Variants in CHRM3 observed in about 807,000 individuals in gnomAD.
The protein encoded by CHRM3 is muscarinic acetylcholine receptor M3.
In CHRM3, 11 loss-of-function variants were observed where a neutral mutation model predicts 41.8. The observed-to-expected ratio is 0.26, with a 90% CI of 0.17 to 0.44. CHRM3 has a LOEUF of 0.44. Ranked by LOEUF, CHRM3 falls within the 20% of genes least tolerant of loss-of-function variation. The pLI is 1.00. For missense variants in CHRM3, 571 were observed against 745.4 expected, an observed-to-expected ratio of 0.77 and a Z score of 2.72; for synonymous variants, 297 against 301.4, an observed-to-expected ratio of 0.99 and a Z score of 0.15.
intron 4 of CHRM3, among the ~76,000 whole-genome samples, chr1:239,672,599 T>TACAA (rs1553359840): frequency 6.9e-6 from 1 of 145,844 alleles, no homozygotes; most frequent in Non-Finnish European, 1.5e-5. Flanking sequence ...TTCTTCCCAC[T>TACAA]ACACACACAC....
intron 3 of CHRM3, among the ~76,000 whole-genome samples, chr1:239,586,268 T>A (rs917318415): frequency 3.3e-5 from 5 of 152,166 alleles, no homozygotes; most frequent in African/African-American, 1.2e-4. Context: ...TTTTTATTTA[T>A]TTTTTGCTGC....
At chr1:239,509,119 CA>C (rs1336626512) in intron 2 of CHRM3, among the ~76,000 whole-genome samples, 1 of 152,202 alleles carries the variant, frequency 6.6e-6, no homozygotes, top group African/African-American at 2.4e-5. Context: ...CCTCAAACCA[CA>C]AGGTCTTCAG....
chr1:239,576,741 G>T (rs868768977), intron 3 of CHRM3, among the ~76,000 whole-genome samples: 1 of 151,170 alleles, frequency 6.6e-6, no homozygotes, highest in Admixed American at 6.6e-5. Flanking sequence ...AGTGACCTAC[G>T]ATTGTGCCAC....
At chr1:239,789,212 T>G (rs1669150235) in intron 5 of CHRM3, among the ~76,000 whole-genome samples, 2 of 152,212 alleles carry the variant, frequency 1.3e-5, no homozygotes, top group Admixed American at 1.3e-4. Context: ...ATATTACGTC[T>G]GTCATGTCTC....
intron 6 of CHRM3, among the ~76,000 whole-genome samples, chr1:239,851,082 G>A (rs12090767): frequency 0.066 from 10,063 of 152,078 alleles, 1,000 homozygotes; most frequent in African/African-American, 0.21. Flanking sequence ...CCTAGCTTAG[G>A]AAAAATAATA....
intron 6 of CHRM3, among the ~76,000 whole-genome samples, chr1:239,869,121 G>A (rs1448879981): frequency 5.3e-5 from 8 of 152,030 alleles, no homozygotes; most frequent in East Asian, 3.9e-4. Context: ...TTTGCCCCAC[G>A]CTGAAACAGG....
intron 2 of CHRM3, among the ~76,000 whole-genome samples, chr1:239,533,175 A>C (rs1301902523): frequency 6.6e-6 from 1 of 152,152 alleles, no homozygotes. Context: ...CAGGACCCCC[A>C]TTACTAAGCT....
At chr1:239,640,731 A>G (rs1260549607) in intron 4 of CHRM3, among the ~76,000 whole-genome samples, 57 of 150,334 alleles carry the variant, frequency 3.8e-4, no homozygotes, top group African/African-American at 9.3e-4. Context: ...TGGATTCATT[A>G]ATTTTTTGAA....
intron 5 of CHRM3, chr1:239,706,507 A>C (rs183374273): frequency 6.6e-6 from 1 of 152,132 alleles, no homozygotes; most frequent in East Asian, 1.9e-4. Context: ...CTAGAAAAAA[A>C]TTTTGCTCCC....
At chr1:239,523,858 A>G (rs1046292445) in intron 2 of CHRM3, among the ~76,000 whole-genome samples, 2 of 152,222 alleles carry the variant, frequency 1.3e-5, no homozygotes, top group African/African-American at 4.8e-5. Flanking sequence ...TACAGAGGTT[A>G]CAATCAGAAA....
chr1:239,816,897 A>AT (rs1341473397), intron 5 of CHRM3, among the ~76,000 whole-genome samples: 2 of 151,824 alleles, frequency 1.3e-5, no homozygotes, highest in South Asian at 2.1e-4. Flanking sequence ...TGCCCAGCTA[A>AT]TTTTTTTATA....
intron 4 of CHRM3, among the ~76,000 whole-genome samples, chr1:239,677,921 G>A (rs1052179739): frequency 2.0e-5 from 3 of 152,196 alleles, no homozygotes; most frequent in Non-Finnish European, 2.9e-5. Context: ...ACCATAAGCT[G>A]AGGCATTTGT....
chr1:239,579,826 A>G (rs1411882656), intron 3 of CHRM3, among the ~76,000 whole-genome samples: 25 of 152,154 alleles, frequency 1.6e-4, no homozygotes, highest in Non-Finnish European at 1.9e-4. Context: ...ATTCATCTTC[A>G]CATACACACT....
intron 1 of CHRM3, among the ~76,000 whole-genome samples, chr1:239,398,122 G>A (rs1659653854): frequency 6.6e-6 from 1 of 152,160 alleles, no homozygotes; most frequent in Non-Finnish European, 1.5e-5. Flanking sequence ...AGCAGCAAAG[G>A]AGACTGTATC....
At chr1:239,806,046 A>G (rs1236909467) in intron 5 of CHRM3, among the ~76,000 whole-genome samples, 1 of 152,172 alleles carries the variant, frequency 6.6e-6, no homozygotes, top group African/African-American at 2.4e-5. Context: ...GGGGGAACCC[A>G]GCCGGCTCAG....
At chr1:239,583,130 G>A (rs531504248) in intron 3 of CHRM3, among the ~76,000 whole-genome samples, 1 of 152,318 alleles carries the variant, frequency 6.6e-6, no homozygotes, top group African/African-American at 2.4e-5. Context: ...TGATAGTTTA[G>A]TATCTGTTTT....
At chr1:239,553,302 G>C (rs535908274) in intron 3 of CHRM3, among the ~76,000 whole-genome samples, 1 of 152,068 alleles carries the variant, frequency 6.6e-6, no homozygotes, top group African/African-American at 2.4e-5. Context: ...GTTAACCCTT[G>C]CTAATTTAAT....
intron 6 of CHRM3, among the ~76,000 whole-genome samples, chr1:239,842,008 T>A (rs1421016686): frequency 6.6e-6 from 1 of 152,146 alleles, no homozygotes; most frequent in Non-Finnish European, 1.5e-5. Context: ...CTGAATAATT[T>A]GAAAATCTGC....
intron 5 of CHRM3, among the ~76,000 whole-genome samples, chr1:239,683,896 A>C (rs1658817745): frequency 6.6e-6 from 1 of 152,230 alleles, no homozygotes; most frequent in Admixed American, 6.5e-5. Context: ...TTTAGAAAAA[A>C]AAAAGATGGT....
Sources: allele counts gnomAD v4.1 joint callset (sites outside exome capture counted in the v4.1 genomes callset), GRCh38; gene constraint gnomAD v4.1.1; transcripts MANE v1.5; gene names NCBI Gene and HGNC (gene_info 2026-07-23, HGNC 2026-07-21).